The following TBC1D22A variants were observed in gnomAD, a reference collection of about 807,000 sequenced individuals.
TBC1D22A encodes putative GTPase activator.
Under a neutral mutation model 60.2 loss-of-function variants are expected in TBC1D22A, and 38 were observed. The ratio of observed to expected loss-of-function variants is 0.63; its 90% confidence interval spans 0.49 to 0.83. TBC1D22A has a LOEUF of 0.83. TBC1D22A is among the 40% of genes least tolerant of loss of function. TBC1D22A has a pLI of 0.00. For missense variants in TBC1D22A, 628 were observed against 701.0 expected (o/e 0.90, Z 1.18); for synonymous variants, 302 against 281.7 (o/e 1.07, Z -0.72).
intron 4 of TBC1D22A, among the ~76,000 whole-genome samples, chr22:46,871,569 A>T (rs796443845): frequency 7.2e-5 from 11 of 152,362 alleles, no homozygotes; most frequent in African/African-American, 2.6e-4. Flanking sequence ...GAATCCTCAG[A>T]TATTTGGAAA....
chr22:46,830,002 C>T (rs753224554), intron 4 of TBC1D22A, among the ~76,000 whole-genome samples: 1 of 152,218 alleles, frequency 6.6e-6, no homozygotes, highest in African/African-American at 2.4e-5. Flanking sequence ...GTTCCCAAGG[C>T]GCTGTGCTCG....
At chr22:47,111,094 G>A (rs935557158) in intron 11 of TBC1D22A, among the ~76,000 whole-genome samples, 9 of 152,248 alleles carry the variant, frequency 5.9e-5, no homozygotes, top group African/African-American at 2.2e-4. Context: ...GCTTGACTGG[G>A]CTCAGCCTTG....
At position 47,140,745 on chromosome 22, in the gene TBC1D22A, G is replaced by A. The variant is rs995694831; in HGVS notation, c.1425+29142G>A. ...TGGCCCTGGCGGCTTGGGCCTGGGG[G>A]TTGTCCCTGGGGCTCAGTTGCTGCC... On this transcript the variant is annotated intron_variant, in intron 12 of 12. Transcript: ENST00000337137. Among the ~76,000 whole-genome samples, 12 of 152,322 alleles carry A rather than the reference G, an allele frequency of 7.9e-5. 1 individual carries two copies. The highest frequency in any genetic ancestry group is 2.9e-4 in the African/African-American group (12 of 41,576).
chr22:47,162,675 G>GCACTTCCTCGTGGTCTTGATATGTA (rs1569479268), intron 12 of TBC1D22A, among the ~76,000 whole-genome samples: 10 of 49,558 alleles, frequency 2.0e-4, no homozygotes, highest in African/African-American at 5.7e-4. Flanking sequence ...CCCGGTGCAG[G>GCACTTCCTCGTGGTCTTGATATGTA]GAGAGTCGTG....
At chr22:46,878,428 G>T (rs2067680314) in intron 4 of TBC1D22A, among the ~76,000 whole-genome samples, 1 of 129,054 alleles carries the variant, frequency 7.7e-6, no homozygotes, top group African/African-American at 2.7e-5. Flanking sequence ...GTAGCTCCAG[G>T]ATTCTGTTGT....
At chr22:46,783,783 T>C (rs2084044312) in intron 1 of TBC1D22A, among the ~76,000 whole-genome samples, 1 of 152,362 alleles carries the variant, frequency 6.6e-6, no homozygotes, top group East Asian at 1.9e-4. Flanking sequence ...ATTATATGTA[T>C]GTATTCTGGC....
intron 12 of TBC1D22A, among the ~76,000 whole-genome samples, chr22:47,120,034 A>G (rs2066216321): frequency 6.6e-6 from 1 of 152,176 alleles, no homozygotes; most frequent in South Asian, 2.1e-4. Flanking sequence ...TCCCATAAAA[A>G]TACCACTGGA....
At chr22:46,904,146 C>CTATCTATCTATCTATCTATCTAATCTAT (rs1555937562) in intron 7 of TBC1D22A, among the ~76,000 whole-genome samples, 34 of 45,454 alleles carry the variant, frequency 7.5e-4, no homozygotes, top group African/African-American at 1.8e-3. Context: ...TATCTATCTA[C>CTATCTATCTATCTATCTATCTAATCTAT]CTACCTACCT....
intron 11 of TBC1D22A, among the ~76,000 whole-genome samples, chr22:47,059,983 G>A (rs1056877411): frequency 2.0e-5 from 3 of 152,182 alleles, no homozygotes; most frequent in East Asian, 1.9e-4. Flanking sequence ...ACAGCCGCCC[G>A]ATCTGCAGGG....
chr22:47,111,208 T>C (rs570193218), intron 11 of TBC1D22A, among the ~76,000 whole-genome samples: 5 of 152,362 alleles, frequency 3.3e-5, no homozygotes, highest in African/African-American at 9.6e-5. Flanking sequence ...TTGTCTCTTA[T>C]CCTTTTTGGC....
intron 8 of TBC1D22A, among the ~76,000 whole-genome samples, chr22:46,966,725 G>A (rs964467729): frequency 2.0e-5 from 3 of 152,172 alleles, no homozygotes; most frequent in Admixed American, 1.3e-4. Flanking sequence ...CCCAAGTGTT[G>A]CCTGCAGACT....
intron 1 of TBC1D22A, chr22:46,764,131 TG>T (rs903954158): frequency 6.6e-6 from 1 of 151,906 alleles, no homozygotes; most frequent in African/African-American, 2.4e-5. Flanking sequence ...AAGAGTGATC[TG>T]GGGGTTAGCA....
intron 8 of TBC1D22A, among the ~76,000 whole-genome samples, chr22:46,946,777 T>C (rs1407728474): frequency 6.6e-6 from 1 of 152,232 alleles, no homozygotes; most frequent in Admixed American, 6.5e-5. Flanking sequence ...CCCCTTCCTC[T>C]AGGTTGGTAT....
chr22:47,074,588 A>G (rs2064128419), intron 11 of TBC1D22A, among the ~76,000 whole-genome samples: 1 of 152,262 alleles, frequency 6.6e-6, no homozygotes, highest in Non-Finnish European at 1.5e-5. Flanking sequence ...AATTAGATGC[A>G]TACAATCTAA....
chr22:47,042,605 G>A (rs1408600596), intron 11 of TBC1D22A, among the ~76,000 whole-genome samples: 2 of 152,200 alleles, frequency 1.3e-5, no homozygotes, highest in South Asian at 4.1e-4. Context: ...CCACATTCCA[G>A]GACACCAGTC....
rs1569199595 is a variant in TBC1D22A at position 46,904,137 on chromosome 22, A to ACC, written c.901-7937_901-7936insCC. Among the ~76,000 whole-genome samples, 363 of 95,376 alleles carry ACC rather than the reference A, an allele frequency of 3.8e-3. 3 individuals carry two copies. Among genetic ancestry groups the ACC allele is most frequent in the African/African-American group, 0.012 (342 of 28,040 alleles). The allele number at this position is 95,376 out of a possible 152,430, so 62.6% of individuals were successfully genotyped here. Reference sequence around the variant, plus strand: ...TATCTATCTATCTATCTATCTATCTATCTATCTACCTACCTACCTACCTAC... The same window carrying ACC: ...TATCTATCTATCTATCTATCTATCTACCTCTATCTACCTACCTACCTACCTAC... On this transcript the variant is annotated intron_variant, in intron 7 of 12. Transcript: ENST00000337137.
chr22:46,965,498 AT>A (rs2073758132), intron 8 of TBC1D22A, among the ~76,000 whole-genome samples: 1 of 152,130 alleles, frequency 6.6e-6, no homozygotes, highest in Admixed American at 6.5e-5. Flanking sequence ...GCTTTGTCAG[AT>A]TGTTTTGCAG....
At chr22:47,003,707 C>A (rs1711914017) in intron 10 of TBC1D22A, among the ~76,000 whole-genome samples, 1 of 136,400 alleles carries the variant, frequency 7.3e-6, no homozygotes, top group Non-Finnish European at 1.6e-5. Flanking sequence ...ACCCTACACA[C>A]ATGCCTGTAT....
At chr22:46,904,346 C>T (rs548398269) in intron 7 of TBC1D22A, among the ~76,000 whole-genome samples, 149 of 150,996 alleles carry the variant, frequency 9.9e-4, no homozygotes, top group African/African-American at 3.4e-3. Flanking sequence ...GTCTATGTGG[C>T]GAGCTCATTG....
Sources: allele counts gnomAD v4.1 joint callset (sites outside exome capture counted in the v4.1 genomes callset), GRCh38; gene constraint gnomAD v4.1.1; transcripts MANE v1.5; gene names NCBI Gene and HGNC (gene_info 2026-07-23, HGNC 2026-07-21).